Variants in BAHCC1 observed in about 807,000 individuals in gnomAD.
BAHCC1 encodes BAH domain and coiled-coil containing 1.
A neutral mutation model predicts 88.2 loss-of-function variants in BAHCC1; 43 were observed. That is an observed-to-expected ratio of 0.49 (90% CI 0.38 to 0.63). The LOEUF (loss-of-function observed/expected upper bound fraction) is 0.63. BAHCC1 is among the 20% of genes least tolerant of loss of function. The pLI is 0.00. For missense variants in BAHCC1, 3,023 were observed against 1,654.8 expected, an observed-to-expected ratio of 1.83 and a Z score of -14.34; for synonymous variants, 1,510 against 745.5, an observed-to-expected ratio of 2.03 and a Z score of -16.71.
At position 81,438,376 on chromosome 17, in the gene BAHCC1, G is replaced by A; in HGVS notation, c.365G>A (p.Gly122Glu). The A allele has an allele frequency of 1.3e-6, 1 of 778,682 alleles. No individual in the cohort carries two copies. The highest frequency in any genetic ancestry group is 1.3e-5 in the South Asian group (1 of 74,384). The allele number at this position is 778,682 out of a possible 1,614,324, so 48.2% of individuals were successfully genotyped here. The change falls in exon 4 of 28, where the codon GGG becomes GAG. Residue 122 changes from glycine to glutamate, a missense_variant. Coordinates refer to ENST00000675386, the MANE Select transcript of BAHCC1 (RefSeq NM_001377448.1). ...GGGTCTCTTGCTTCTCTAGCTCCGG[G>A]GTACCCCAGATTTTCGGGGAGTCTG... ...IWFSHSHEAP[G>E]YPRFSGSLAS...
chr17:81,428,962 C>T (rs1227176599), intron 3 of BAHCC1, among the ~76,000 whole-genome samples: 2 of 152,224 alleles, frequency 1.3e-5, no homozygotes, highest in Non-Finnish European at 2.9e-5. Flanking sequence ...CTATCTGCGT[C>T]CCAGGGAAGT....
intron 2 of BAHCC1, chr17:81,410,200 C>A (rs953034255): frequency 3.6e-5 from 7 of 196,924 alleles, no homozygotes; most frequent in Non-Finnish European, 7.8e-5. Context: ...GCCGGAGGCA[C>A]ATGGCCTGTG....
intron 2 of BAHCC1, among the ~76,000 whole-genome samples, chr17:81,414,040 A>G (rs1030137676): frequency 6.6e-6 from 1 of 152,320 alleles, no homozygotes; most frequent in Admixed American, 6.5e-5. Flanking sequence ...TGCTGGATCC[A>G]TGTGGTCTGA....
rs574439683 is a variant in BAHCC1, at chr17:81,459,941, G to A, written c.5906-336G>A. 4.2e-4 allele frequency among the ~76,000 whole-genome samples: 64 copies of A among 152,290 alleles called. No homozygotes were observed. In the Middle Eastern group the frequency reaches 0.01, roughly 24 times the overall value. On this transcript the variant is annotated intron_variant, in intron 23 of 27. Coordinates refer to ENST00000675386, the MANE Select transcript of BAHCC1 (RefSeq NM_001377448.1). ...GCAGGGGCATGTAGGTCCCTAGGGC[G>A]AAAGGCTCAAGGGTCCCACAGGCAA... is the stretch of plus-strand genomic sequence containing the variant.
Position 81,442,460 on chromosome 17 carries a change from G to C in BAHCC1, c.1111G>C (p.Gly371Arg). 1 of 716,516 alleles carries C rather than the reference G, an allele frequency of 1.4e-6. No homozygotes were observed. The highest frequency in any genetic ancestry group is 2.6e-6 in the Non-Finnish European group (1 of 386,654). The allele number at this position is 716,516 out of a possible 1,614,324, so 44.4% of individuals were successfully genotyped here. A position where few individuals can be genotyped will look rare whatever the true frequency, so the allele number is the denominator to read the frequency against. ...CTCCTTCCCCTGCCTGCAGCTGCAC[G>C]GGGGCCCTGACGGGCTCTGCCCGCT... ...AGSFPCLQLH[G>R]GPDGLCPLQD... The change falls in exon 5 of 28, where the codon GGG becomes CGG. Residue 371 changes from glycine to arginine, a missense_variant. By Grantham distance (125) the Gly-to-Arg change is moderately radical. Coordinates refer to ENST00000675386, the MANE Select transcript of BAHCC1 (RefSeq NM_001377448.1).
At chr17:81,396,376 G>C (rs564391485) in intron 1 of BAHCC1, 1 of 152,308 alleles carries the variant, frequency 6.6e-6, no homozygotes, top group South Asian at 2.1e-4. Flanking sequence ...GGGACGGCGC[G>C]CGGGGCTCGG....
chr17:81,449,541 T>C (rs2064594818), intron 11 of BAHCC1, among the ~76,000 whole-genome samples: 1 of 152,170 alleles, frequency 6.6e-6, no homozygotes, highest in African/African-American at 2.4e-5. Context: ...GCCACACGCC[T>C]GTAGCCTGCA....
rs2030512427 is a variant in BAHCC1, at chr17:81,463,821, G to A, written c.*4G>A. On this transcript the variant is annotated 3_prime_UTR_variant, in exon 28 of 28. Coordinates refer to ENST00000675386, the MANE Select transcript of BAHCC1 (RefSeq NM_001377448.1). ...TGGCGTGCCCATCCTATGCTGAGCCGCCCACCGCAGATGCCTCCCACGTGC... is the reference window on the plus strand; with the variant it reads ...TGGCGTGCCCATCCTATGCTGAGCCACCCACCGCAGATGCCTCCCACGTGC... The A allele has an allele frequency of 9.8e-6, 7 of 717,278 alleles. No individual in the cohort carries two copies. The highest frequency in any genetic ancestry group is 2.6e-5 in the East Asian group (1 of 37,742). 44.4% of individuals were successfully genotyped at this position (717,278 alleles called of 1,614,324 possible).
intron 3 of BAHCC1, among the ~76,000 whole-genome samples, chr17:81,429,974 G>A (rs1218002949): frequency 1.3e-5 from 2 of 152,198 alleles, no homozygotes; most frequent in African/African-American, 4.8e-5. Flanking sequence ...GAGCCGCCCG[G>A]AACATCTGGC....
chr17:81,435,783 C>T lies in BAHCC1; in HGVS notation c.359-2587C>T, dbSNP rs1382119241. On this transcript the variant is annotated intron_variant, in intron 3 of 27. Transcript: ENST00000675386. The surrounding 1 kb of genome is among the most constrained non-coding windows in gnomAD (Gnocchi z 4.4). ...CCCTTCCAGGATGCCTGTGTGTCCC[C>T]GGCCCGGCCGCAGCAGCCCTGCCTT... 5.3e-5 allele frequency among the ~76,000 whole-genome samples: 8 copies of T among 151,908 alleles called. No homozygotes were observed. Among genetic ancestry groups the T allele is most frequent in the Admixed American group, 2.0e-4 (3 of 15,278 alleles).
In BAHCC1 at chr17:81,435,863, C is replaced by G. The variant is rs1396927200; in HGVS notation, c.359-2507C>G. Among the ~76,000 whole-genome samples, 1 of 152,196 alleles carries G rather than the reference C, an allele frequency of 6.6e-6. No homozygotes were observed. Among genetic ancestry groups the G allele is most frequent in the Non-Finnish European group, 1.5e-5 (1 of 68,034 alleles). On this transcript the variant is annotated intron_variant, in intron 3 of 27. Coordinates refer to ENST00000675386, the MANE Select transcript of BAHCC1 (RefSeq NM_001377448.1). This position sits in a 1 kb window ranked among gnomAD's most constrained non-coding sequence, Gnocchi z 4.4. ...GGATGCCTGTGTGTCCCCGGCCCAG[C>G]CACAGCAGCCCTGCCTTCTGGCTTC...
At chr17:81,429,236 C>T (rs2064233735) in intron 3 of BAHCC1, among the ~76,000 whole-genome samples, 1 of 152,228 alleles carries the variant, frequency 6.6e-6, no homozygotes, top group Non-Finnish European at 1.5e-5. Context: ...CCCCAGAATG[C>T]AAGGCCCACC....
chr17:81,412,484 AAGTGCCTAAGTCTGG>A (rs1555647992), intron 2 of BAHCC1, among the ~76,000 whole-genome samples: 1 of 152,196 alleles, frequency 6.6e-6, no homozygotes, highest in East Asian at 1.9e-4. Context: ...CAGAAATCCA[AAGTGCCTAAGTCTGG>A]AGGGCCTCAG....
At chr17:81,433,558 G>A (rs2064295509) in intron 3 of BAHCC1, among the ~76,000 whole-genome samples, 2 of 149,518 alleles carry the variant, frequency 1.3e-5, no homozygotes, top group Admixed American at 6.7e-5. Context: ...GGCCCCTCCT[G>A]TGCTTAGGGC....
At chr17:81,408,483 A>G (rs1692455228) in intron 2 of BAHCC1, among the ~76,000 whole-genome samples, 1 of 145,894 alleles carries the variant, frequency 6.9e-6, no homozygotes, top group African/African-American at 2.6e-5. Context: ...CCTGGGGCCT[A>G]CCCCTGCCTG....
At chr17:81,445,771 T>G in intron 10 of BAHCC1, 90 bp downstream of exon 10, 1 of 655,732 alleles carries the variant, frequency 1.5e-6, no homozygotes. Context: ...CCGGGCTGCC[T>G]GCAGGGAGGC....
chr17:81,442,169 G>T lies in BAHCC1; in HGVS notation c.820G>T (p.Glu274Ter). The T allele has an allele frequency of 1.5e-6, 1 of 652,458 alleles. No individual in the cohort carries two copies. The highest frequency in any genetic ancestry group is 1.7e-5 in the South Asian group (1 of 57,698). 40.4% of individuals were successfully genotyped at this position (652,458 alleles called of 1,614,324 possible). A position where few individuals can be genotyped will look rare whatever the true frequency, so the allele number is the denominator to read the frequency against. Residue 274 changes from glutamate to a stop codon, truncating the protein, a stop_gained, in exon 5 of 28, where the codon GAG becomes TAG. Coordinates refer to ENST00000675386, the MANE Select transcript of BAHCC1 (RefSeq NM_001377448.1). LOFTEE classifies it high-confidence loss of function. The stretch of plus-strand genomic sequence containing the variant: ...CGGCCCCGCACCCCGAGGGGCCTGC[G>T]AGGGCCGCCCCAAGCACCTCACCTC... ...EGGPAPRGAC[E>*]GRPKHLTSCL...
rs528505940 is a variant in BAHCC1 at position 81,458,387 on chromosome 17, G to C, written c.5264G>C (p.Arg1755Pro). The C allele has an allele frequency of 4.1e-6, 3 of 740,384 alleles. No homozygotes were observed. The highest frequency in any genetic ancestry group is 2.5e-5 in the East Asian group (1 of 39,358). 45.9% of individuals were successfully genotyped at this position (740,384 alleles called of 1,614,324 possible). Residue 1755 changes from arginine (R) to proline (P), a missense_variant, in exon 18 of 28, where the codon CGT becomes CCT. Arg to Pro is a moderately radical substitution (Grantham distance 103, BLOSUM62 -2). Transcript: ENST00000675386. The part of the protein sequence containing the change: ...LFNPSRAFAC[R>P]EEGSQLASER... The stretch of plus-strand genomic sequence containing the variant: ...AACCCCTCTCGGGCCTTCGCCTGCC[G>C]TGAGGAGGGCAGCCAGCTGGCCAGT...
chr17:81,423,065 C>CG (rs1230153488), intron 2 of BAHCC1, among the ~76,000 whole-genome samples: 21 of 152,154 alleles, frequency 1.4e-4, no homozygotes, highest in Non-Finnish European at 1.0e-4. Flanking sequence ...GCCCCTGGCT[C>CG]GCGGGCACCT....
Sources: gnomAD v4.1 joint callset for allele counts (sites outside exome capture counted in the v4.1 genomes callset) on GRCh38, gnomAD v4.1.1 for gene constraint, Gnocchi (gnomAD v3.1) non-coding constraint, MANE v1.5 for transcripts, NCBI Gene and HGNC (gene_info 2026-07-23, HGNC 2026-07-21) for gene names.